LRRC4C: variants seen among roughly 807,000 people sequenced by gnomAD.
LRRC4C encodes leucine rich repeat containing 4C, also known as leucine-rich repeat-containing protein 4C.
A neutral mutation model predicts 33.6 loss-of-function variants in LRRC4C; 5 were observed. The ratio of observed to expected loss-of-function variants is 0.15; its 90% confidence interval spans 0.08 to 0.31. LRRC4C has a LOEUF of 0.31. Among genes scored for constraint, LRRC4C ranks in the 10% least tolerant of loss-of-function variants. LRRC4C has a pLI of 1.00. For synonymous variants in LRRC4C, 329 were observed against 302.0 expected (o/e 1.09, Z -0.93); for missense variants, 560 against 796.7 (o/e 0.70, Z 3.58).
At chr11:40,499,452 A>C (rs1954634338) in intron 3 of LRRC4C, among the ~76,000 whole-genome samples, 1 of 152,182 alleles carries the variant, frequency 6.6e-6, no homozygotes, top group South Asian at 2.1e-4. Context: ...GTAATTGACC[A>C]CTGGGAAGAG....
chr11:40,994,288 C>T (rs1592286382), intron 1 of LRRC4C, among the ~76,000 whole-genome samples: 1 of 152,178 alleles, frequency 6.6e-6, no homozygotes, highest in African/African-American at 2.4e-5. Context: ...ATTTCTATTA[C>T]CTAAAAGTGA....
intron 3 of LRRC4C, among the ~76,000 whole-genome samples, chr11:40,600,821 C>G (rs1959914441): frequency 6.6e-6 from 1 of 152,112 alleles, no homozygotes; most frequent in East Asian, 1.9e-4. Flanking sequence ...ATGCATGGCA[C>G]TTTTATGTTT....
At chr11:41,079,095 C>T (rs1939370817) in intron 1 of LRRC4C, among the ~76,000 whole-genome samples, 1 of 152,198 alleles carries the variant, frequency 6.6e-6, no homozygotes, top group Admixed American at 6.5e-5. Flanking sequence ...AAACCTAACA[C>T]CTTTACGATT....
At chr11:41,218,022 A>C (rs113602216) in intron 1 of LRRC4C, among the ~76,000 whole-genome samples, 3 of 152,194 alleles carry the variant, frequency 2.0e-5, no homozygotes, top group Non-Finnish European at 2.9e-5. Context: ...TCATCCAAAT[A>C]AAATGAGGCC....
intron 6 of LRRC4C, among the ~76,000 whole-genome samples, chr11:40,116,604 C>A (rs1207454390): frequency 3.3e-5 from 5 of 152,042 alleles, no homozygotes; most frequent in Non-Finnish European, 7.4e-5. Context: ...GTTTACCAAC[C>A]AAATGTGGCC....
At chr11:40,867,157 A>T (rs1481254514) in intron 2 of LRRC4C, among the ~76,000 whole-genome samples, 2 of 152,144 alleles carry the variant, frequency 1.3e-5, no homozygotes, top group African/African-American at 2.4e-5. Flanking sequence ...GAAGCTGTGG[A>T]TGGGGAAAGC....
intron 3 of LRRC4C, among the ~76,000 whole-genome samples, chr11:40,404,547 T>A (rs1949888093): frequency 6.6e-6 from 1 of 152,024 alleles, no homozygotes; most frequent in African/African-American, 2.4e-5. Context: ...GAAGCGCTCC[T>A]CTTGTGACTC....
intron 1 of LRRC4C, among the ~76,000 whole-genome samples, chr11:41,183,862 C>T (rs1945565718): frequency 6.6e-6 from 1 of 152,324 alleles, no homozygotes; most frequent in Admixed American, 6.5e-5. Flanking sequence ...CATTTCCATA[C>T]ATCCTCTGAA....
intron 1 of LRRC4C, among the ~76,000 whole-genome samples, chr11:41,160,330 G>A (rs1318896476): frequency 5.3e-5 from 8 of 150,642 alleles, no homozygotes; most frequent in Non-Finnish European, 1.5e-5. Flanking sequence ...GATCATACCT[G>A]TGAATAGCCA....
chr11:40,961,401 G>A (rs1322401430), intron 1 of LRRC4C, among the ~76,000 whole-genome samples: 1 of 151,664 alleles, frequency 6.6e-6, no homozygotes, highest in African/African-American at 2.4e-5. Context: ...TCTGTGCTCT[G>A]TGTTCCAATC....
intron 3 of LRRC4C, among the ~76,000 whole-genome samples, chr11:40,479,034 T>C (rs1007944163): frequency 1.3e-5 from 2 of 152,180 alleles, no homozygotes; most frequent in Non-Finnish European, 2.9e-5. Context: ...ATATTTGTTT[T>C]TATTAAAATT....
At position 40,762,272 on chromosome 11, in the gene LRRC4C, G is replaced by T. The variant is rs796747419; in HGVS notation, c.-406-113994C>A. Among the ~76,000 whole-genome samples, 5 of 152,258 alleles carry T rather than the reference G, an allele frequency of 3.3e-5. 1 individual carries two copies. The highest frequency in any genetic ancestry group is 1.2e-4 in the African/African-American group (5 of 41,556). ...GCATATACACAATTATCTAAGGTTG[G>T]TGATACTTTTTCATGAGAATCTAAC... On this transcript the variant is annotated intron_variant, in intron 2 of 6. Coordinates refer to ENST00000528697, the MANE Select transcript of LRRC4C (RefSeq NM_001258419.2).
intron 1 of LRRC4C, among the ~76,000 whole-genome samples, chr11:41,230,375 G>A (rs1305579964): frequency 2.6e-5 from 4 of 151,982 alleles, no homozygotes; most frequent in Non-Finnish European, 4.4e-5. Context: ...CAGAAAACTA[G>A]AAACCATTGA....
At chr11:41,443,121 G>A (rs369673419) in intron 1 of LRRC4C, among the ~76,000 whole-genome samples, 2 of 118,734 alleles carry the variant, frequency 1.7e-5, no homozygotes, top group African/African-American at 3.2e-5. Flanking sequence ...CTTCAACATA[G>A]GTGCAAATCC....
chr11:41,417,672 T>C (rs926378795), intron 1 of LRRC4C, among the ~76,000 whole-genome samples: 3 of 151,890 alleles, frequency 2.0e-5, no homozygotes, highest in Admixed American at 2.0e-4. Flanking sequence ...ATGGAATATA[T>C]TGTTTGAGTT....
intron 4 of LRRC4C, among the ~76,000 whole-genome samples, chr11:40,281,365 CA>C (rs1222119089): frequency 6.6e-6 from 1 of 152,122 alleles, no homozygotes; most frequent in East Asian, 1.9e-4. Flanking sequence ...CTCTAGAGAT[CA>C]GCTAACTAAG....
chr11:41,150,266 T>C (rs1422466182), intron 1 of LRRC4C, among the ~76,000 whole-genome samples: 1 of 152,252 alleles, frequency 6.6e-6, no homozygotes, highest in African/African-American at 2.4e-5. Flanking sequence ...TCTACAAGTA[T>C]GAATGCCTAC....
At chr11:41,061,625 G>A (rs1028912900) in intron 1 of LRRC4C, among the ~76,000 whole-genome samples, 1 of 152,142 alleles carries the variant, frequency 6.6e-6, no homozygotes, top group Admixed American at 6.5e-5. Context: ...CAAGTATCTA[G>A]TTCCCAGAAT....
At chr11:41,007,901 C>T (rs899477986) in intron 1 of LRRC4C, among the ~76,000 whole-genome samples, 1 of 152,108 alleles carries the variant, frequency 6.6e-6, no homozygotes, top group Non-Finnish European at 1.5e-5. Context: ...CTGATGATGA[C>T]TTTCTGGTTC....
Sources: gnomAD v4.1 joint callset for allele counts (sites outside exome capture counted in the v4.1 genomes callset) on GRCh38, gnomAD v4.1.1 for gene constraint, MANE v1.5 for transcripts, NCBI Gene and HGNC (gene_info 2026-07-23, HGNC 2026-07-21) for gene names.